The following LARP4B variants were observed in gnomAD, a reference collection of about 807,000 sequenced individuals.
LARP4B encodes la-related protein 4B.
Under a neutral mutation model 89.8 loss-of-function variants are expected in LARP4B, and 12 were observed. The observed-to-expected ratio is 0.13, with a 90% confidence interval of 0.09 to 0.22. The LOEUF is 0.22. LARP4B is among the 10% of genes least tolerant of loss of function. LARP4B has a pLI of 1.00. For synonymous variants in LARP4B, 367 were observed against 363.3 expected (o/e 1.01, Z -0.12); for missense variants, 757 against 947.7 (o/e 0.80, Z 2.64).
intron 6 of LARP4B, among the ~76,000 whole-genome samples, chr10:843,720 A>T (rs141901372): frequency 4.1e-4 from 63 of 152,236 alleles, no homozygotes; most frequent in African/African-American, 1.2e-3. Context: ...AAAGAAAAAC[A>T]ATTTAAAGTA....
intron 3 of LARP4B, among the ~76,000 whole-genome samples, chr10:879,501 G>A (rs1835586109): frequency 6.7e-6 from 1 of 148,434 alleles, no homozygotes; most frequent in Non-Finnish European, 1.5e-5. Context: ...TAGGTCTTTT[G>A]TTTTTATTTT....
downstream of LARP4B, chr10:808,187 G>A (rs557660242): frequency 6.6e-6 from 1 of 152,384 alleles, no homozygotes; most frequent in East Asian, 1.9e-4. Flanking sequence ...ATACACGGTG[G>A]TCACTTCCAT....
At chr10:826,997 G>A (rs1427126374) in intron 11 of LARP4B, among the ~76,000 whole-genome samples, 3 of 152,158 alleles carry the variant, frequency 2.0e-5, no homozygotes, top group South Asian at 2.1e-4. Context: ...ACACATGGCC[G>A]GGCGCAGTGG....
chr10:844,142 C>T (rs866029467), intron 6 of LARP4B, among the ~76,000 whole-genome samples: 1 of 152,238 alleles, frequency 6.6e-6, no homozygotes, highest in Non-Finnish European at 1.5e-5. Context: ...AGGCCCTGCT[C>T]CACCCTCATC....
chr10:816,329 T>C (rs955859995), intron 15 of LARP4B, among the ~76,000 whole-genome samples: 4 of 152,196 alleles, frequency 2.6e-5, no homozygotes, highest in African/African-American at 9.7e-5. Context: ...AGAGTGACCA[T>C]CACGAGCTCC....
intron 5 of LARP4B, among the ~76,000 whole-genome samples, chr10:850,553 T>G (rs1049329208): frequency 1.3e-5 from 2 of 152,170 alleles, no homozygotes; most frequent in African/African-American, 4.8e-5. Context: ...CTTTCAATAG[T>G]TGACAGAACA....
At position 825,887 on chromosome 10, in the gene LARP4B, A is replaced by G. The variant is rs774337672; in HGVS notation, c.1126-17T>C. The G allele has an allele frequency of 6.6e-7, 1 of 1,507,862 alleles. No individual in the cohort carries two copies. The highest frequency in any genetic ancestry group is 9.2e-7 in the Non-Finnish European group (1 of 1,089,738). 93.4% of individuals were successfully genotyped at this position (1,507,862 alleles called of 1,614,324 possible). On this transcript the variant is annotated splice_polypyrimidine_tract_variant and intron_variant, in intron 11 of 17. Coordinates refer to ENST00000316157, the MANE Select transcript of LARP4B (RefSeq NM_015155.3). Reference sequence around the variant, plus strand: ...TGGAGTTACCTAGATTCATTTGAAAACAGACAAGTAAATAAACCATAAAAC... The same window carrying G: ...TGGAGTTACCTAGATTCATTTGAAAGCAGACAAGTAAATAAACCATAAAAC...
chr10:899,907 T>C (rs1183087688), intron 1 of LARP4B, among the ~76,000 whole-genome samples: 1 of 151,880 alleles, frequency 6.6e-6, no homozygotes, highest in African/African-American at 2.4e-5. Flanking sequence ...GGGAATCAAT[T>C]AGAAAAAATC....
At position 909,280 on chromosome 10, in the gene LARP4B, C is replaced by T. The variant is rs557277436; in HGVS notation, c.-40+22148G>A. Among the ~76,000 whole-genome samples, 904 of 130,054 alleles carry T rather than the reference C, an allele frequency of 7.0e-3. 10 individuals carry two copies. Among genetic ancestry groups the T allele is most frequent in the African/African-American group, 0.024 (839 of 34,300 alleles). 85.3% of individuals were successfully genotyped at this position (130,054 alleles called of 152,430 possible). A position where few individuals can be genotyped will look rare whatever the true frequency, so the allele number is the denominator to read the frequency against. ...CTGCAATCCAGCCTGGGCGACAGAGCACGACTCCGTCTCAAAAAAAAAAAA... is the reference window on the plus strand; with the variant it reads ...CTGCAATCCAGCCTGGGCGACAGAGTACGACTCCGTCTCAAAAAAAAAAAA... On this transcript the variant is annotated intron_variant, in intron 1 of 17. Coordinates refer to ENST00000316157, the MANE Select transcript of LARP4B (RefSeq NM_015155.3).
chr10:883,744 G>T (rs1835759636), intron 3 of LARP4B, among the ~76,000 whole-genome samples: 1 of 150,882 alleles, frequency 6.6e-6, no homozygotes, highest in Admixed American at 6.6e-5. Flanking sequence ...AGACTAGCCT[G>T]GGCAACACAG....
At chr10:963,638 T>C in the LARP4B span, among the ~76,000 whole-genome samples, 1 of 152,172 alleles carries the variant, frequency 6.6e-6, no homozygotes, top group African/African-American at 2.4e-5. Context: ...TCAGTGACAA[T>C]GTAAGGGAGT....
chr10:973,087 G>A, the LARP4B span: 5 of 360,284 alleles, frequency 1.4e-5, no homozygotes, highest in South Asian at 1.0e-4. Flanking sequence ...CCTGTGCTGC[G>A]GGCTGCCTTT....
chr10:938,307 G>A, the LARP4B span, among the ~76,000 whole-genome samples: 1 of 149,766 alleles, frequency 6.7e-6, no homozygotes, highest in Non-Finnish European at 1.5e-5. Flanking sequence ...CTGGAGTGCA[G>A]TGGTGTGATT....
At chr10:885,569 A>C (rs1480802716) in intron 2 of LARP4B, 72 bp downstream of exon 2, 1 of 1,082,476 alleles carries the variant, frequency 9.2e-7, no homozygotes, top group Non-Finnish European at 1.4e-6. Flanking sequence ...AGAACTCCTT[A>C]CTAACTCCAA....
At chr10:919,343 T>C (rs949396678) in intron 1 of LARP4B, among the ~76,000 whole-genome samples, 2 of 152,128 alleles carry the variant, frequency 1.3e-5, no homozygotes, top group African/African-American at 4.8e-5. Flanking sequence ...GGTCGTTCAG[T>C]GGTAGAATTC....
intron 1 of LARP4B, among the ~76,000 whole-genome samples, chr10:916,099 G>A (rs985787911): frequency 8.6e-5 from 13 of 151,998 alleles, no homozygotes; most frequent in African/African-American, 1.7e-4. Flanking sequence ...GTTTAACTTT[G>A]GGTTATATTT....
intron 14 of LARP4B, chr10:820,031 C>G (rs963440154): frequency 2.6e-5 from 4 of 152,246 alleles, no homozygotes; most frequent in African/African-American, 9.7e-5. Context: ...CGTGCCATCC[C>G]TCCCATCTTC....
chr10:842,138 T>G (rs1833549274), intron 7 of LARP4B, among the ~76,000 whole-genome samples: 1 of 152,160 alleles, frequency 6.6e-6, no homozygotes, highest in Admixed American at 6.5e-5. Context: ...CATCCACACT[T>G]AATGCTTAAA....
chr10:978,348 T>C, the LARP4B span, among the ~76,000 whole-genome samples: 8 of 152,334 alleles, frequency 5.3e-5, no homozygotes, highest in East Asian at 1.3e-3. Context: ...ATTTCAAGGT[T>C]ACGTTATTGG....
Sources: allele counts gnomAD v4.1 joint callset (sites outside exome capture counted in the v4.1 genomes callset), GRCh38; gene constraint gnomAD v4.1.1; transcripts MANE v1.5; gene names NCBI Gene and HGNC (gene_info 2026-07-23, HGNC 2026-07-21).